The following ADGRL3 variants were observed in gnomAD, a reference collection of about 807,000 sequenced individuals.
ADGRL3 encodes the protein adhesion G protein-coupled receptor L3, also known as calcium-independent alpha-latrotoxin receptor 3.
In ADGRL3, 62 loss-of-function variants were observed where a neutral mutation model predicts 153.5. That is an observed-to-expected ratio of 0.40 (90% CI 0.33 to 0.50). The LOEUF (loss-of-function observed/expected upper bound fraction) is 0.50. Ranked by LOEUF, ADGRL3 falls within the 20% of genes least tolerant of loss-of-function variation. The pLI, the probability that ADGRL3 is intolerant of heterozygous loss-of-function variation, is 0.47. For synonymous variants in ADGRL3, 710 were observed against 672.5 expected (o/e 1.06, Z -0.86); for missense variants, 1,641 against 1,859.4 (o/e 0.88, Z 2.16).
chr4:61,352,461 T>C (rs1286728805), intron 1 of ADGRL3, among the ~76,000 whole-genome samples: 1 of 151,884 alleles, frequency 6.6e-6, no homozygotes, highest in Non-Finnish European at 1.5e-5. Flanking sequence ...CGATCTCAGC[T>C]CACTGCAACG....
Position 62,072,536 on chromosome 4 carries a change from T to C in ADGRL3, c.*1628T>C, listed in dbSNP as rs1238314798. 6.6e-6 allele frequency: 1 copy of C among 152,462 alleles called. No homozygotes were observed. Among genetic ancestry groups the C allele is most frequent in the Non-Finnish European group, 1.5e-5 (1 of 68,036 alleles). The allele number at this position is 152,462 out of a possible 1,614,324, so 9.4% of individuals were successfully genotyped here. A position where few individuals can be genotyped will look rare whatever the true frequency, so the allele number is the denominator to read the frequency against. On this transcript the variant is annotated 3_prime_UTR_variant, in exon 27 of 27. Coordinates refer to ENST00000683033, the MANE Select transcript of ADGRL3 (RefSeq NM_001387552.1). ...GTTTTCAATACATAAACTTTGCTAA[T>C]CCTCTGTGGCCCAAATGAGCCATGC...
At chr4:61,817,856 G>T (rs751318644) in intron 9 of ADGRL3, among the ~76,000 whole-genome samples, 4 of 152,128 alleles carry the variant, frequency 2.6e-5, no homozygotes, top group Admixed American at 6.5e-5. Flanking sequence ...CATGAGAACA[G>T]TATGGGGGAA....
chr4:61,534,200 G>A lies in ADGRL3; in HGVS notation c.259+16682G>A, dbSNP rs188293420. Among the ~76,000 whole-genome samples the A allele has an allele frequency of 1.8e-3, 280 of 152,180 alleles. 3 individuals carry two copies. Among genetic ancestry groups the A allele is most frequent in the African/African-American group, 6.2e-3 (256 of 41,538 alleles). On this transcript the variant is annotated intron_variant, in intron 4 of 26. Coordinates refer to ENST00000683033, the MANE Select transcript of ADGRL3 (RefSeq NM_001387552.1). ...TTTCCCAGCAGCATTTATTGCATAAGGTGTCCTTTCTCCATTGTTTATTTT... is the reference window on the plus strand; with the variant it reads ...TTTCCCAGCAGCATTTATTGCATAAAGTGTCCTTTCTCCATTGTTTATTTT...
chr4:61,496,559 G>A (rs930641976), intron 2 of ADGRL3, among the ~76,000 whole-genome samples: 4 of 152,108 alleles, frequency 2.6e-5, no homozygotes, highest in South Asian at 2.1e-4. Context: ...GGAGAATCGC[G>A]TGAACCCGGG....
chr4:61,262,711 G>A (rs2092611533), intron 1 of ADGRL3, among the ~76,000 whole-genome samples: 1 of 151,946 alleles, frequency 6.6e-6, no homozygotes, highest in Non-Finnish European at 1.5e-5. Flanking sequence ...CAGGAGCTGA[G>A]GACTTATGCT....
chr4:61,357,065 T>G (rs1247745749), intron 1 of ADGRL3, among the ~76,000 whole-genome samples: 1 of 152,124 alleles, frequency 6.6e-6, no homozygotes, highest in Non-Finnish European at 1.5e-5. Context: ...AATTTTAAAT[T>G]CTGCCCGCAC....
intron 25 of ADGRL3, among the ~76,000 whole-genome samples, chr4:62,055,689 C>T (rs1736636228): frequency 6.6e-6 from 1 of 151,346 alleles, no homozygotes; most frequent in African/African-American, 2.4e-5. Flanking sequence ...TAATAAGTGA[C>T]TTGGTATTGA....
intron 1 of ADGRL3, among the ~76,000 whole-genome samples, chr4:61,302,475 G>A (rs2094610549): frequency 6.6e-6 from 1 of 151,992 alleles, no homozygotes; most frequent in Non-Finnish European, 1.5e-5. Flanking sequence ...ACAGTGTGTG[G>A]AACTGAGCAT....
At chr4:61,203,621 T>C (rs1735821279) in intron 1 of ADGRL3, among the ~76,000 whole-genome samples, 1 of 152,218 alleles carries the variant, frequency 6.6e-6, no homozygotes. Flanking sequence ...TTAAAGAATG[T>C]CATCGTAGAA....
chr4:61,342,382 T>A (rs2095823862), intron 1 of ADGRL3, among the ~76,000 whole-genome samples: 1 of 152,162 alleles, frequency 6.6e-6, no homozygotes, highest in South Asian at 2.1e-4. Context: ...TATATAAATA[T>A]TTAATAGTGA....
At chr4:61,302,519 CT>C (rs2094611816) in intron 1 of ADGRL3, among the ~76,000 whole-genome samples, 1 of 151,050 alleles carries the variant, frequency 6.6e-6, no homozygotes, top group South Asian at 2.1e-4. Context: ...CTCTTTTTTC[CT>C]TGTCTTTCTA....
At chr4:61,867,051 T>C (rs2098404669) in intron 9 of ADGRL3, among the ~76,000 whole-genome samples, 1 of 152,136 alleles carries the variant, frequency 6.6e-6, no homozygotes, top group African/African-American at 2.4e-5. Flanking sequence ...GTACTTGGCC[T>C]TCAAATCCTG....
chr4:61,902,109 G>A lies in ADGRL3; in HGVS notation c.1887+6275G>A, dbSNP rs193011554. On this transcript the variant is annotated intron_variant, in intron 11 of 26. Transcript: ENST00000683033. ...AACTGGAGTGAGAGAAGTAAACAGG[G>A]GGATCAGAAAGATATTCACTTTGGG... Among the ~76,000 whole-genome samples the A allele has an allele frequency of 1.4e-4, 22 of 152,208 alleles. No homozygotes were observed. The East Asian group carries it at 2.3e-3, about 16-fold the overall frequency.
intron 12 of ADGRL3, among the ~76,000 whole-genome samples, chr4:61,911,744 T>TA (rs2098722821): frequency 6.6e-6 from 1 of 151,984 alleles, no homozygotes; most frequent in African/African-American, 2.4e-5. Flanking sequence ...ATGCATGAAT[T>TA]AGAATTGGGA....
intron 1 of ADGRL3, among the ~76,000 whole-genome samples, chr4:61,382,400 A>G (rs777699786): frequency 8.6e-5 from 13 of 151,650 alleles, no homozygotes; most frequent in African/African-American, 2.9e-4. Context: ...CAGTTGCAAA[A>G]CCATTAGAAA....
intron 17 of ADGRL3, among the ~76,000 whole-genome samples, chr4:61,974,274 A>C (rs2150721963): frequency 6.6e-6 from 1 of 152,246 alleles, no homozygotes; most frequent in South Asian, 2.1e-4. Flanking sequence ...TGGCCACTAT[A>C]GGCATTTTTA....
At chr4:61,953,918 T>C (rs2150378362) in intron 17 of ADGRL3, among the ~76,000 whole-genome samples, 1 of 152,332 alleles carries the variant, frequency 6.6e-6, no homozygotes, top group East Asian at 1.9e-4. Flanking sequence ...CAACTTGTCC[T>C]TTTTAGCATA....
At chr4:61,569,278 AC>A (rs2098828937) in intron 4 of ADGRL3, among the ~76,000 whole-genome samples, 1 of 152,162 alleles carries the variant, frequency 6.6e-6, no homozygotes, top group African/African-American at 2.4e-5. Context: ...TATGTAATTC[AC>A]ATGCCATAAG....
At chr4:61,374,433 A>C (rs764925355) in intron 1 of ADGRL3, among the ~76,000 whole-genome samples, 2 of 151,994 alleles carry the variant, frequency 1.3e-5, no homozygotes, top group African/African-American at 2.4e-5. Context: ...TTTTTCACAA[A>C]CATGTTTTCT....
Sources: allele counts gnomAD v4.1 joint callset (sites outside exome capture counted in the v4.1 genomes callset), GRCh38; gene constraint gnomAD v4.1.1; transcripts MANE v1.5; gene names NCBI Gene and HGNC (gene_info 2026-07-23, HGNC 2026-07-21).